The following MDFIC2 variants were observed in gnomAD, a reference collection of about 807,000 sequenced individuals.
MDFIC2 encodes MyoD family inhibitor domain containing 2.
chr3:70,269,806 A>G (rs906120830), intron 2 of MDFIC2, among the ~76,000 whole-genome samples: 4 of 152,202 alleles, frequency 2.6e-5, no homozygotes, highest in Admixed American at 2.6e-4. Context: ...AGAAATTTAA[A>G]CGAAATCACA....
chr3:70,254,624 A>C (rs866501279), intron 2 of MDFIC2, among the ~76,000 whole-genome samples: 2 of 152,206 alleles, frequency 1.3e-5, no homozygotes, highest in African/African-American at 4.8e-5. Flanking sequence ...ACAATTTTCC[A>C]CTATGAAATC....
At chr3:70,204,181 TATA>T (rs1482526635) in intron 3 of MDFIC2, among the ~76,000 whole-genome samples, 3 of 152,188 alleles carry the variant, frequency 2.0e-5, no homozygotes, top group African/African-American at 7.2e-5. Flanking sequence ...TGCACTCATT[TATA>T]CATTTGAAAA....
In MDFIC2 at chr3:70,196,324, T is replaced by A. The variant is rs1316350989; in HGVS notation, c.*602A>T. ...CCATATTCAAAATTCACTGGAGATG[T>A]TTTAGAGACATCTGTTGTAATTACA... On this transcript the variant is annotated 3_prime_UTR_variant, in exon 4 of 4. Coordinates refer to ENST00000567252, the MANE Select transcript of MDFIC2 (RefSeq NM_001364677.1). 6.6e-6 allele frequency among the ~76,000 whole-genome samples: 1 copy of A among 152,194 alleles called. No individual in the cohort carries two copies. The highest frequency in any genetic ancestry group is 1.5e-5 in the Non-Finnish European group (1 of 68,022).
chr3:70,280,649 C>T (rs1702073083), intron 2 of MDFIC2, among the ~76,000 whole-genome samples: 1 of 152,136 alleles, frequency 6.6e-6, no homozygotes, highest in Non-Finnish European at 1.5e-5. Flanking sequence ...GTCTCATTCT[C>T]CTCTGAGGCT....
intron 2 of MDFIC2, among the ~76,000 whole-genome samples, chr3:70,241,611 T>C (rs1308264449): frequency 6.6e-6 from 1 of 152,134 alleles, no homozygotes; most frequent in African/African-American, 2.4e-5. Flanking sequence ...AATTTAATGA[T>C]ACTAAGTACC....
intron 2 of MDFIC2, among the ~76,000 whole-genome samples, chr3:70,280,099 A>C (rs1702065856): frequency 6.6e-6 from 1 of 152,110 alleles, no homozygotes; most frequent in Non-Finnish European, 1.5e-5. Context: ...TCTGGCAGAT[A>C]ATCTATTTTT....
rs1702463841 is a variant in MDFIC2, at chr3:70,312,585, C to G, written c.-35G>C. On this transcript the variant is annotated 5_prime_UTR_variant, in exon 1 of 4. Transcript: ENST00000567252. ...CCAAAGGGAGGCCCAAGGTGTGGGA[C>G]TGGGGAGCAGTGAGCTGCAGCCTCC... 6.6e-6 allele frequency: 1 copy of G among 152,236 alleles called. No homozygotes were observed. Among genetic ancestry groups the G allele is most frequent in the Admixed American group, 6.5e-5 (1 of 15,272 alleles). The allele number at this position is 152,236 out of a possible 1,614,324, so 9.4% of individuals were successfully genotyped here. A position where few individuals can be genotyped will look rare whatever the true frequency, so the allele number is the denominator to read the frequency against.
rs532970878 is a variant in MDFIC2, at chr3:70,242,174, T to C, written c.89-35384A>G. On this transcript the variant is annotated intron_variant, in intron 2 of 3. Coordinates refer to ENST00000567252, the MANE Select transcript of MDFIC2 (RefSeq NM_001364677.1). Reference sequence around the variant, plus strand: ...TATTTCTACTGGTAAAAGCAGAGGCTGGGGATTGGGCTTCTGGAGTATCTT... The same window carrying C: ...TATTTCTACTGGTAAAAGCAGAGGCCGGGGATTGGGCTTCTGGAGTATCTT... Among the ~76,000 whole-genome samples the C allele has an allele frequency of 2.6e-5, 4 of 152,326 alleles. No individual in the cohort carries two copies. The East Asian group carries it at 7.7e-4, about 29-fold the overall frequency.
chr3:70,299,675 A>G (rs1385302863), intron 2 of MDFIC2, among the ~76,000 whole-genome samples: 3 of 152,084 alleles, frequency 2.0e-5, no homozygotes, highest in Non-Finnish European at 2.9e-5. Context: ...TGTGGATGCA[A>G]CAAGCTTCTA....
intron 3 of MDFIC2, among the ~76,000 whole-genome samples, chr3:70,203,518 T>G (rs969155063): frequency 6.6e-6 from 1 of 152,154 alleles, no homozygotes; most frequent in African/African-American, 2.4e-5. Context: ...TCTTTAGAAC[T>G]AGAATGACTA....
intron 2 of MDFIC2, among the ~76,000 whole-genome samples, chr3:70,250,952 A>G (rs1701760490): frequency 6.6e-6 from 1 of 152,248 alleles, no homozygotes; most frequent in East Asian, 1.9e-4. Flanking sequence ...AGAGAAAGAC[A>G]AACTATTAAG....
intron 2 of MDFIC2, among the ~76,000 whole-genome samples, chr3:70,214,307 G>C (rs999586911): frequency 6.6e-6 from 1 of 152,064 alleles, no homozygotes. Context: ...TCGTTGTTTT[G>C]ATTTGTCTTC....
At chr3:70,285,780 G>C (rs1702155869) in intron 2 of MDFIC2, among the ~76,000 whole-genome samples, 1 of 152,054 alleles carries the variant, frequency 6.6e-6, no homozygotes. Flanking sequence ...TCTCATTGTG[G>C]TTTTGATTTG....
intron 2 of MDFIC2, among the ~76,000 whole-genome samples, chr3:70,305,499 G>T (rs913051739): frequency 6.6e-6 from 1 of 152,262 alleles, no homozygotes; most frequent in South Asian, 2.1e-4. Context: ...TTATCTGAGT[G>T]AGAGAATTAG....
chr3:70,233,692 C>T (rs1386725211), intron 2 of MDFIC2, among the ~76,000 whole-genome samples: 1 of 152,170 alleles, frequency 6.6e-6, no homozygotes, highest in African/African-American at 2.4e-5. Context: ...ACCCATTCTT[C>T]TTACTACAGA....
chr3:70,280,873 G>T (rs542427218), intron 2 of MDFIC2, among the ~76,000 whole-genome samples: 1 of 152,226 alleles, frequency 6.6e-6, no homozygotes, highest in East Asian at 1.9e-4. Context: ...TGCACAGAAA[G>T]TCCAAGAAGA....
rs540348663 is a variant in MDFIC2 at position 70,196,296 on chromosome 3, A to G, written c.*630T>C. On this transcript the variant is annotated 3_prime_UTR_variant, in exon 4 of 4. Transcript: ENST00000567252. ...TAGAATTATAGTACTCTCTTGAAGTACACCATATTCAAAATTCACTGGAGA... is the reference window on the plus strand; with the variant it reads ...TAGAATTATAGTACTCTCTTGAAGTGCACCATATTCAAAATTCACTGGAGA... 1.3e-4 allele frequency among the ~76,000 whole-genome samples: 20 copies of G among 152,330 alleles called. No individual in the cohort carries two copies. The highest frequency in any genetic ancestry group is 3.8e-4 in the African/African-American group (16 of 41,568).
intron 2 of MDFIC2, among the ~76,000 whole-genome samples, chr3:70,306,143 A>T (rs985729615): frequency 2.0e-5 from 3 of 152,090 alleles, no homozygotes; most frequent in Non-Finnish European, 4.4e-5. Context: ...TTGCTCTCTT[A>T]CTCAGGCTGG....
chr3:70,245,888 T>G (rs1323915497), intron 2 of MDFIC2, among the ~76,000 whole-genome samples: 1 of 151,250 alleles, frequency 6.6e-6, no homozygotes, highest in Non-Finnish European at 1.5e-5. Context: ...CATTGCCAAT[T>G]TAGGACACTG....
Sources: allele counts gnomAD v4.1 joint callset (sites outside exome capture counted in the v4.1 genomes callset), GRCh38; gene constraint gnomAD v4.1.1; transcripts MANE v1.5; gene names NCBI Gene and HGNC (gene_info 2026-07-23, HGNC 2026-07-21).